Variants in ATRN observed in about 807,000 individuals in gnomAD.
ATRN encodes the protein attractin-2.
A neutral mutation model predicts 178.7 loss-of-function variants in ATRN; 54 were observed. That is an observed-to-expected ratio of 0.30 (90% CI 0.24 to 0.38). The LOEUF (loss-of-function observed/expected upper bound fraction) is 0.38. Among genes scored for constraint, ATRN ranks in the 10% least tolerant of loss-of-function variants. The pLI is 1.00. For missense variants in ATRN, 1,443 were observed against 1,815.1 expected (o/e 0.79, Z 3.73); for synonymous variants, 636 against 663.0 (o/e 0.96, Z 0.63).
chr20:3,616,737 T>C (rs1600161066), intron 24 of ATRN, among the ~76,000 whole-genome samples: 1 of 152,068 alleles, frequency 6.6e-6, no homozygotes, highest in Non-Finnish European at 1.5e-5. Flanking sequence ...TGGCAGCAGT[T>C]GGGAGTGTGG....
At chr20:3,493,127 TG>T (rs1716889418) in intron 1 of ATRN, among the ~76,000 whole-genome samples, 1 of 80,490 alleles carries the variant, frequency 1.2e-5, no homozygotes, top group African/African-American at 5.0e-5. Context: ...TTTGTTTGTG[TG>T]TGTGTGTGTG....
At position 3,647,484 on chromosome 20, in the gene ATRN, G is replaced by A. The variant is rs2087116200; in HGVS notation, c.*637G>A. 1 of 152,428 alleles carries A rather than the reference G, an allele frequency of 6.6e-6. No homozygotes were observed. Among genetic ancestry groups the A allele is most frequent in the Non-Finnish European group, 1.5e-5 (1 of 68,028 alleles). 9.4% of individuals were successfully genotyped at this position (152,428 alleles called of 1,614,324 possible). A position where few individuals can be genotyped will look rare whatever the true frequency, so the allele number is the denominator to read the frequency against. On this transcript the variant is annotated 3_prime_UTR_variant, in exon 29 of 29. Coordinates refer to ENST00000262919, the MANE Select transcript of ATRN (RefSeq NM_139321.3). ...AGCAGTGTTACTTTGAATGTAAACT[G>A]GTATAATAGGTAGTTTTCTATAGTA...
chr20:3,490,630 A>T lies in ATRN; in HGVS notation c.410+19113A>T, dbSNP rs1600019931. ...ACGACCATATCCCTCTTCATCTGTG[A>T]ACTCCACCAAGTTTTGTGCCTCTTC... On this transcript the variant is annotated intron_variant, in intron 1 of 28. Coordinates refer to ENST00000262919, the MANE Select transcript of ATRN (RefSeq NM_139321.3). 8 of 960,070 alleles carry T rather than the reference A, an allele frequency of 8.3e-6. No homozygotes were observed. The South Asian group carries it at 1.0e-4, about 12-fold the overall frequency. 59.5% of individuals were successfully genotyped at this position (960,070 alleles called of 1,614,324 possible).
At chr20:3,610,360 G>A (rs2086744817) in intron 24 of ATRN, among the ~76,000 whole-genome samples, 1 of 152,192 alleles carries the variant, frequency 6.6e-6, no homozygotes, top group South Asian at 2.1e-4. Context: ...AATGGGATAG[G>A]CTGATCTATA....
In ATRN at chr20:3,565,350, T is replaced by C; in HGVS notation, c.1789T>C (p.Cys597Arg). 6.2e-7 allele frequency: 1 copy of C among 1,613,416 alleles called. No homozygotes were observed. Among genetic ancestry groups the C allele is most frequent in the Non-Finnish European group, 8.5e-7 (1 of 1,179,532 alleles). ...AAATATATTTTTCTTTCTCCTAGCC[T>C]GTGACCGCTGGTCAGTGCTTCCCAG... ...SSDFMAYDIA[C>R]DRWSVLPRPD... Residue 597 changes from cysteine (C) to arginine (R), a missense_variant and splice_region_variant, in exon 11 of 29, where the codon TGT (cysteine) becomes CGT (arginine). Transcript: ENST00000262919.
chr20:3,548,961 T>C (rs2146203861), intron 5 of ATRN, among the ~76,000 whole-genome samples: 1 of 152,314 alleles, frequency 6.6e-6, no homozygotes, highest in Middle Eastern at 3.4e-3. Flanking sequence ...AACCTGGATA[T>C]AGTCAAGTCA....
intron 1 of ATRN, among the ~76,000 whole-genome samples, chr20:3,533,254 C>T (rs1455769069): frequency 6.6e-6 from 1 of 152,206 alleles, no homozygotes; most frequent in East Asian, 1.9e-4. Flanking sequence ...GAAAATATTT[C>T]CTGGAAATCA....
At chr20:3,497,068 A>G (rs1568688167) in intron 1 of ATRN, among the ~76,000 whole-genome samples, 1 of 150,762 alleles carries the variant, frequency 6.6e-6, no homozygotes. Context: ...TGCACGTGAG[A>G]TGGGTTTCCT....
At chr20:3,589,939 TCTTGCTTG>T (rs887349031) in intron 18 of ATRN, among the ~76,000 whole-genome samples, 1 of 152,312 alleles carries the variant, frequency 6.6e-6, no homozygotes, top group East Asian at 1.9e-4. Context: ...TTTCTTTCAT[TCTTGCTTG>T]CTTGCTTGCT....
intron 6 of ATRN, among the ~76,000 whole-genome samples, chr20:3,555,447 G>A (rs772356727): frequency 2.2e-4 from 33 of 152,154 alleles, no homozygotes; most frequent in Admixed American, 3.9e-4. Context: ...CATAGTTGCT[G>A]GGGAGGATCA....
intron 14 of ATRN, 65 bp downstream of exon 14, chr20:3,577,062 T>G: frequency 2.5e-6 from 4 of 1,577,326 alleles, no homozygotes; most frequent in Non-Finnish European, 3.4e-6. Flanking sequence ...CCCCCAACAC[T>G]GTGCAGCCTA....
intron 1 of ATRN, chr20:3,489,789 T>C: frequency 1.5e-6 from 2 of 1,302,024 alleles, no homozygotes; most frequent in Non-Finnish European, 2.2e-6. Context: ...GCGCCCTTGG[T>C]AGGTGTAGTT....
chr20:3,585,806 A>G (rs573013670), intron 18 of ATRN, among the ~76,000 whole-genome samples: 1 of 152,324 alleles, frequency 6.6e-6, no homozygotes, highest in South Asian at 2.1e-4. Context: ...TGTCCAGAGA[A>G]GAAATACAAA....
At chr20:3,490,343 A>T in intron 1 of ATRN, 1 of 1,006,592 alleles carries the variant, frequency 9.9e-7, no homozygotes, top group Non-Finnish European at 1.6e-6. Flanking sequence ...CCATCCAGGA[A>T]GGTCACATTC....
intron 15 of ATRN, among the ~76,000 whole-genome samples, chr20:3,580,036 A>G (rs1164709414): frequency 6.6e-6 from 1 of 152,224 alleles, no homozygotes; most frequent in Non-Finnish European, 1.5e-5. Context: ...ACCTCAGGCT[A>G]CTGTGACCAC....
rs779159488 is a variant in ATRN at position 3,584,663 on chromosome 20, C to A, written c.2967C>A (p.Gly989=). Residue 989 remains glycine, a synonymous_variant, in exon 18 of 29, where the codon GGC becomes GGA. Transcript: ENST00000262919. ...TTTTAATAGCTGAAAATTGTTCAGGCTACTGTACCTGTAGTCATTGCTTGG... is the reference window on the plus strand; with the variant it reads ...TTTTAATAGCTGAAAATTGTTCAGGATACTGTACCTGTAGTCATTGCTTGG... ...MSTCPPENCS[G]YCTCSHCLEQ... 2 of 1,612,948 alleles carry A rather than the reference C, an allele frequency of 1.2e-6. No individual in the cohort carries two copies. Among genetic ancestry groups the A allele is most frequent in the South Asian group, 1.1e-5 (1 of 90,894 alleles).
At position 3,485,610 on chromosome 20, in the gene ATRN, G is replaced by GTTT. The variant is rs3084238; in HGVS notation, c.410+14120_410+14122dup. 1.1e-3 allele frequency among the ~76,000 whole-genome samples: 78 copies of GTTT among 67,900 alleles called. 4 individuals are homozygous for GTTT. Among genetic ancestry groups the GTTT allele is most frequent in the African/African-American group, 4.0e-3 (73 of 18,120 alleles). The allele number at this position is 67,900 out of a possible 152,430, so 44.5% of individuals were successfully genotyped here. A position where few individuals can be genotyped will look rare whatever the true frequency, so the allele number is the denominator to read the frequency against. On this transcript the variant is annotated intron_variant, in intron 1 of 28. Coordinates refer to ENST00000262919, the MANE Select transcript of ATRN (RefSeq NM_139321.3). ...TGGTTTGCCAATACATTTTTTTGAG[G>GTTT]TTTTTTTTTTTTTTTTTTTTTTTTT...
chr20:3,506,923 G>A (rs2146118897), intron 1 of ATRN, among the ~76,000 whole-genome samples: 1 of 152,158 alleles, frequency 6.6e-6, no homozygotes, highest in East Asian at 1.9e-4. Context: ...TGATTTTGAA[G>A]AGCCTTAGAA....
At chr20:3,602,904 A>C (rs1206348698) in intron 23 of ATRN, among the ~76,000 whole-genome samples, 3 of 139,378 alleles carry the variant, frequency 2.2e-5, no homozygotes, top group Admixed American at 7.7e-5. Flanking sequence ...CGGAGGTTGC[A>C]GTGACCCAAG....
Sources: allele counts gnomAD v4.1 joint callset (sites outside exome capture counted in the v4.1 genomes callset), GRCh38; gene constraint gnomAD v4.1.1; transcripts MANE v1.5; gene names NCBI Gene and HGNC (gene_info 2026-07-23, HGNC 2026-07-21).